PALM2AKAP2: variants seen among roughly 807,000 people sequenced by gnomAD.
PALM2AKAP2 encodes the protein PALM2 and AKAP2 fusion.
Under a neutral mutation model 71.5 loss-of-function variants are expected in PALM2AKAP2, and 37 were observed. The ratio of observed to expected loss-of-function variants is 0.52; its 90% CI spans 0.40 to 0.68. PALM2AKAP2 has a LOEUF of 0.68. Among genes scored for constraint, PALM2AKAP2 ranks in the 30% least tolerant of loss-of-function variants. The pLI, the probability that PALM2AKAP2 is intolerant of heterozygous loss-of-function variation, is 0.00. For synonymous variants in PALM2AKAP2, 468 were observed against 478.8 expected, an observed-to-expected ratio of 0.98 and a Z score of 0.29; for missense variants, 1,224 against 1,191.8, an observed-to-expected ratio of 1.03 and a Z score of -0.40.
intron 1 of PALM2AKAP2, among the ~76,000 whole-genome samples, chr9:110,088,302 G>T (rs530595643): frequency 1.3e-5 from 2 of 152,280 alleles, no homozygotes; most frequent in African/African-American, 4.8e-5. Context: ...CCAATCAGAG[G>T]CTGAAGTTAC....
At chr9:109,961,376 A>G (rs1170221858) in intron 6 of PALM2AKAP2, among the ~76,000 whole-genome samples, 1 of 152,226 alleles carries the variant, frequency 6.6e-6, no homozygotes, top group African/African-American at 2.4e-5. Flanking sequence ...TTAGCATGGT[A>G]TAAACACATG....
At position 109,828,916 on chromosome 9, in the gene PALM2AKAP2, G is replaced by A. The variant is rs1828225271; in HGVS notation, c.46-38575G>A. Reference sequence around the variant, plus strand: ...TAATTAGAAAATGGATCTTGAAAGGGCCTTGCCAAAAGGCGATGATGTGAT... The same window carrying A: ...TAATTAGAAAATGGATCTTGAAAGGACCTTGCCAAAAGGCGATGATGTGAT... On this transcript the variant is annotated intron_variant, in intron 1 of 9. Transcript: ENST00000302798. Among the ~76,000 whole-genome samples, 6 of 152,208 alleles carry A rather than the reference G, an allele frequency of 3.9e-5. No individual in the cohort carries two copies. The South Asian group carries it at 1.2e-3, about 31-fold the overall frequency.
exon 2 of PALM2AKAP2, chr9:110,137,480 G>A: frequency 6.2e-7 from 1 of 1,614,156 alleles, no homozygotes; most frequent in Non-Finnish European, 8.5e-7. Flanking sequence ...TCAGGGGAAG[G>A]AAGGGCCCTA....
Position 109,700,570 on chromosome 9 carries a change from T to C in PALM2AKAP2, c.5+59704T>C, listed in dbSNP as rs547888396. Among the ~76,000 whole-genome samples the C allele has an allele frequency of 3.9e-5, 6 of 152,362 alleles. No homozygotes were observed. The South Asian group carries it at 1.2e-3, about 32-fold the overall frequency. ...GCTCAAACTCTTTAATGATTTCTTATGTCCTTCTGAATACAACTGCCCCAT... is the reference window on the plus strand; with the variant it reads ...GCTCAAACTCTTTAATGATTTCTTACGTCCTTCTGAATACAACTGCCCCAT... On this transcript the variant is annotated intron_variant, in intron 1 of 6. Coordinates refer to the PALM2AKAP2 transcript ENST00000374531.
At chr9:109,819,428 T>C (rs1196304998) in intron 1 of PALM2AKAP2, among the ~76,000 whole-genome samples, 3 of 152,224 alleles carry the variant, frequency 2.0e-5, no homozygotes, top group African/African-American at 4.8e-5. Flanking sequence ...TAGCTGCTTA[T>C]GTGGCAGGGA....
intron 3 of PALM2AKAP2, among the ~76,000 whole-genome samples, chr9:109,882,690 T>G (rs2131772366): frequency 6.6e-6 from 1 of 152,282 alleles, no homozygotes; most frequent in South Asian, 2.1e-4. Flanking sequence ...CTGTCCAGGC[T>G]GGACTGCAGT....
At chr9:109,942,628 C>A (rs1399498868) in intron 6 of PALM2AKAP2, 10 of 1,509,308 alleles carry the variant, frequency 6.6e-6, no homozygotes, top group Non-Finnish European at 8.8e-6. Context: ...TGGCAATTAA[C>A]CATTCACTGG....
intron 1 of PALM2AKAP2, among the ~76,000 whole-genome samples, chr9:109,670,139 CA>C: frequency 6.6e-6 from 1 of 151,970 alleles, no homozygotes; most frequent in Non-Finnish European, 1.5e-5. Flanking sequence ...CTTTTGATTT[CA>C]GGGGTACATA....
intron 1 of PALM2AKAP2, among the ~76,000 whole-genome samples, chr9:109,657,930 G>A (rs1037820932): frequency 2.5e-5 from 3 of 118,346 alleles, no homozygotes; most frequent in Non-Finnish European, 5.4e-5. Context: ...TCACAGATTT[G>A]TGTGTGTTTG....
At chr9:109,672,126 C>T (rs2118492838) in intron 1 of PALM2AKAP2, among the ~76,000 whole-genome samples, 1 of 152,260 alleles carries the variant, frequency 6.6e-6, no homozygotes, top group African/African-American at 2.4e-5. Context: ...CCTGCAGGGA[C>T]TTCCACTACT....
At chr9:110,041,299 T>G (rs116508711) in intron 7 of PALM2AKAP2, among the ~76,000 whole-genome samples, 99,054 of 149,946 alleles carry the variant, frequency 0.66, 32,996 homozygotes, top group African/African-American at 0.79. Context: ...TGAATAGTGT[T>G]TTTTTTTTTT....
At chr9:109,677,117 T>C (rs774119040) in intron 1 of PALM2AKAP2, among the ~76,000 whole-genome samples, 24 of 152,122 alleles carry the variant, frequency 1.6e-4, no homozygotes, top group Admixed American at 2.6e-4. Flanking sequence ...GTTTTTATTG[T>C]TTGTGAGAAA....
intron 1 of PALM2AKAP2, among the ~76,000 whole-genome samples, chr9:110,115,133 C>T (rs896907651): frequency 1.6e-4 from 24 of 152,160 alleles, no homozygotes; most frequent in African/African-American, 5.1e-4. Flanking sequence ...CTGACCAGCC[C>T]TCAGCTGCTC....
Position 109,677,114 on chromosome 9 carries a change from T to C in PALM2AKAP2, c.5+36248T>C, listed in dbSNP as rs142523725. ...TATGCAGGATCAAGGGAGGTTTTTATTGTTTGTGAGAAAGACTTGAATACA... is the reference window on the plus strand; with the variant it reads ...TATGCAGGATCAAGGGAGGTTTTTACTGTTTGTGAGAAAGACTTGAATACA... On this transcript the variant is annotated intron_variant, in intron 1 of 6. Coordinates refer to the PALM2AKAP2 transcript ENST00000374531. Among the ~76,000 whole-genome samples the C allele has an allele frequency of 3.2e-3, 483 of 152,252 alleles. 5 individuals carry two copies. The highest frequency in any genetic ancestry group is 0.011 in the African/African-American group (470 of 41,564).
chr9:109,822,821 ATGAACATATG>A, intron 1 of PALM2AKAP2, among the ~76,000 whole-genome samples: 1 of 152,308 alleles, frequency 6.6e-6, no homozygotes, highest in African/African-American at 2.4e-5. Flanking sequence ...CAGTGCTGTG[ATGAACATATG>A]TGTGCATGTG....
intron 6 of PALM2AKAP2, among the ~76,000 whole-genome samples, chr9:110,005,537 C>G (rs1010724935): frequency 6.6e-6 from 1 of 152,212 alleles, no homozygotes; most frequent in African/African-American, 2.4e-5. Flanking sequence ...GGGAGAACCA[C>G]TACTCTCTTC....
At chr9:109,944,367 T>C (rs1831451959) in intron 6 of PALM2AKAP2, 1 of 152,166 alleles carries the variant, frequency 6.6e-6, no homozygotes, top group African/African-American at 2.4e-5. Context: ...GCAGTGACCA[T>C]ATTTCTAAAA....
At chr9:109,969,623 C>A in intron 6 of PALM2AKAP2, among the ~76,000 whole-genome samples, 1 of 152,182 alleles carries the variant, frequency 6.6e-6, no homozygotes, top group East Asian at 1.9e-4. Context: ...CTGGATTTAT[C>A]CTTGGGTGTG....
At chr9:109,733,402 T>A (rs1471931955) in intron 1 of PALM2AKAP2, among the ~76,000 whole-genome samples, 2 of 152,146 alleles carry the variant, frequency 1.3e-5, no homozygotes, top group Non-Finnish European at 2.9e-5. Flanking sequence ...GGTGAGTAGA[T>A]CCTGAATGGT....
Sources: allele counts gnomAD v4.1 joint callset (sites outside exome capture counted in the v4.1 genomes callset), GRCh38; gene constraint gnomAD v4.1.1; transcripts MANE v1.5; gene names NCBI Gene and HGNC (gene_info 2026-07-23, HGNC 2026-07-21).